RGL1: variants seen among roughly 807,000 people sequenced by gnomAD.
RGL1 encodes the protein ral guanine nucleotide dissociation stimulator-like 1.
A neutral mutation model predicts 95.2 loss-of-function variants in RGL1; 24 were observed. That is an observed-to-expected ratio of 0.25 (90% CI 0.18 to 0.35). RGL1 has a LOEUF of 0.35. RGL1 is among the 10% of genes least tolerant of loss of function. The pLI is 1.00. For missense variants in RGL1, 715 were observed against 936.3 expected (o/e 0.76, Z 3.08); for synonymous variants, 329 against 344.9 (o/e 0.95, Z 0.51).
chr1:183,773,015 CAAAAAAAAAAAAAAAAAAAA>C (rs60100787), intron 2 of RGL1, among the ~76,000 whole-genome samples: 2 of 72,444 alleles, frequency 2.8e-5, no homozygotes, highest in East Asian at 5.6e-4. Flanking sequence ...GACTCCGTCT[CAAAAAAAAAAAAAAAAAAAA>C]AAAAAAAAAA....
At chr1:183,908,327 A>T (rs1228887475) in intron 14 of RGL1, among the ~76,000 whole-genome samples, 1 of 152,124 alleles carries the variant, frequency 6.6e-6, no homozygotes, top group African/African-American at 2.4e-5. Context: ...CTGGATGTGG[A>T]TAGCAAGGTC....
intron 2 of RGL1, among the ~76,000 whole-genome samples, chr1:183,823,853 C>T (rs1349444328): frequency 6.6e-6 from 1 of 152,102 alleles, no homozygotes; most frequent in East Asian, 1.9e-4. Context: ...GCAGTATGGT[C>T]ATAGCTTACT....
intron 1 of RGL1, among the ~76,000 whole-genome samples, chr1:183,672,811 A>G (rs1367996040): frequency 2.0e-5 from 3 of 152,148 alleles, no homozygotes; most frequent in African/African-American, 7.2e-5. Flanking sequence ...GTAAAATTTT[A>G]TTTAGTAAGT....
At chr1:183,838,884 C>T (rs1041875772) in intron 2 of RGL1, among the ~76,000 whole-genome samples, 6 of 152,198 alleles carry the variant, frequency 3.9e-5, no homozygotes, top group African/African-American at 4.8e-5. Context: ...CAACATGATG[C>T]CACTGAATGC....
At chr1:183,638,606 T>G (rs1649702401) in intron 1 of RGL1, among the ~76,000 whole-genome samples, 1 of 152,236 alleles carries the variant, frequency 6.6e-6, no homozygotes, top group Non-Finnish European at 1.5e-5. Context: ...TTATTTCACT[T>G]CCTTGCAAAT....
chr1:183,910,278 G>A (rs988823682), intron 14 of RGL1, among the ~76,000 whole-genome samples: 1 of 152,054 alleles, frequency 6.6e-6, no homozygotes, highest in African/African-American at 2.4e-5. Flanking sequence ...TTTGTATTTT[G>A]GTAGAGATGG....
intron 1 of RGL1, among the ~76,000 whole-genome samples, chr1:183,664,992 C>A (rs1651931746): frequency 6.6e-6 from 1 of 152,010 alleles, no homozygotes; most frequent in African/African-American, 2.4e-5. Flanking sequence ...TTGTTTTTTA[C>A]CATTAAGTAT....
At chr1:183,914,126 C>G (rs1184610323) in intron 15 of RGL1, among the ~76,000 whole-genome samples, 1 of 152,186 alleles carries the variant, frequency 6.6e-6, no homozygotes, top group Non-Finnish European at 1.5e-5. Context: ...AAAGTAATAA[C>G]TGAGGTATTG....
intron 1 of RGL1, among the ~76,000 whole-genome samples, chr1:183,651,805 A>G (rs977559659): frequency 7.2e-5 from 11 of 152,324 alleles, no homozygotes; most frequent in African/African-American, 2.6e-4. Context: ...AACCCTTGGC[A>G]GTGGACGATC....
intron 2 of RGL1, among the ~76,000 whole-genome samples, chr1:183,784,020 T>C (rs952863826): frequency 2.0e-5 from 3 of 151,862 alleles, no homozygotes; most frequent in Non-Finnish European, 2.9e-5. Flanking sequence ...GTTTCAATGG[T>C]GTGGTGGGGC....
chr1:183,805,257 G>T lies in RGL1; in HGVS notation c.-41G>T. The T allele has an allele frequency of 6.2e-7, 1 of 1,608,508 alleles. No individual in the cohort carries two copies. Among genetic ancestry groups the T allele is most frequent in the Non-Finnish European group, 8.5e-7 (1 of 1,178,018 alleles). On this transcript the variant is annotated 5_prime_UTR_variant, in exon 1 of 18. Coordinates refer to ENST00000360851, the MANE Select transcript of RGL1 (RefSeq NM_001297671.3). ...GACATTGCGTTGGCCTCCGAGCAGG[G>T]CGCATCATGCAGCGTTCGCGCACCG...
chr1:183,678,048 A>G (rs1211360483), intron 1 of RGL1, among the ~76,000 whole-genome samples: 1 of 152,208 alleles, frequency 6.6e-6, no homozygotes, highest in Admixed American at 6.5e-5. Context: ...AATTATTTCC[A>G]TAAAGATGAA....
intron 1 of RGL1, among the ~76,000 whole-genome samples, chr1:183,649,001 G>A (rs1054034220): frequency 6.6e-6 from 1 of 152,210 alleles, no homozygotes; most frequent in African/African-American, 2.4e-5. Flanking sequence ...AAACAGAAGA[G>A]AAAGGCGTTC....
chr1:183,863,182 A>T (rs1212484644), intron 3 of RGL1, among the ~76,000 whole-genome samples: 3 of 151,930 alleles, frequency 2.0e-5, no homozygotes, highest in Non-Finnish European at 4.4e-5. Context: ...GGGCTGAGGA[A>T]TTGTAGGAGG....
chr1:183,926,155 G>C lies in RGL1; in HGVS notation c.2170G>C (p.Val724Leu). Residue 724 changes from valine to leucine, a missense_variant, in exon 18 of 18, where the codon GTG (valine) becomes CTG (leucine). Coordinates refer to ENST00000360851, the MANE Select transcript of RGL1 (RefSeq NM_001297671.3). ...ANVFYAMNSQ[V>L]NFDFILRKKN... Reference sequence around the variant, plus strand: ...TGTCTTTTATGCCATGAACAGCCAAGTGAACTTTGACTTCATTTTGCGCAA... The same window carrying C: ...TGTCTTTTATGCCATGAACAGCCAACTGAACTTTGACTTCATTTTGCGCAA... The C allele has an allele frequency of 3.7e-6, 6 of 1,614,122 alleles. No homozygotes were observed. The highest frequency in any genetic ancestry group is 4.2e-6 in the Non-Finnish European group (5 of 1,179,990).
chr1:183,678,604 ATT>A (rs36060724), intron 1 of RGL1, among the ~76,000 whole-genome samples: 2 of 147,710 alleles, frequency 1.4e-5, no homozygotes, highest in African/African-American at 2.5e-5. Context: ...TGACACCAAG[ATT>A]TTTTTTTTTT....
At chr1:183,656,187 G>T (rs1651153468) in intron 1 of RGL1, among the ~76,000 whole-genome samples, 1 of 148,546 alleles carries the variant, frequency 6.7e-6, no homozygotes, top group African/African-American at 2.5e-5. Flanking sequence ...TTACAAAAAA[G>T]TAACCTGAAA....
At chr1:183,696,836 T>C (rs1654282176) in intron 1 of RGL1, among the ~76,000 whole-genome samples, 1 of 152,204 alleles carries the variant, frequency 6.6e-6, no homozygotes, top group Non-Finnish European at 1.5e-5. Context: ...ACTGTACCTA[T>C]GTTTCAAATA....
At chr1:183,832,714 T>C (rs1407989861) in intron 2 of RGL1, among the ~76,000 whole-genome samples, 1 of 152,218 alleles carries the variant, frequency 6.6e-6, no homozygotes, top group Non-Finnish European at 1.5e-5. Context: ...TGACCTGGAA[T>C]GAGTCACTTA....
Sources: allele counts gnomAD v4.1 joint callset (sites outside exome capture counted in the v4.1 genomes callset), GRCh38; gene constraint gnomAD v4.1.1; transcripts MANE v1.5; gene names NCBI Gene and HGNC (gene_info 2026-07-23, HGNC 2026-07-21).